The following HOOK1 variants were observed in gnomAD, a reference collection of about 807,000 sequenced individuals.
The protein encoded by HOOK1 is hook microtubule tethering protein 1.
Under a neutral mutation model 112.8 loss-of-function variants are expected in HOOK1, and 60 were observed. The observed-to-expected ratio is 0.53, with a 90% CI of 0.43 to 0.66. The LOEUF (loss-of-function observed/expected upper bound fraction) is 0.66, where lower values mean the gene tolerates loss of function less well. Among genes scored for constraint, HOOK1 ranks in the 30% least tolerant of loss-of-function variants. The pLI is 0.00. For synonymous variants in HOOK1, 294 were observed against 283.8 expected (o/e 1.04, Z -0.36); for missense variants, 770 against 856.0 (o/e 0.90, Z 1.25).
At chr1:59,817,536 G>A (rs1179669676) in intron 1 of HOOK1, among the ~76,000 whole-genome samples, 1 of 151,644 alleles carries the variant, frequency 6.6e-6, no homozygotes, top group Non-Finnish European at 1.5e-5. Context: ...CCGCACTGTT[G>A]ATCTTACCTC....
Position 59,860,244 on chromosome 1 carries a change from G to A in HOOK1, c.1448G>A (p.Gly483Asp). ...ENKMLRLQQE[G>D]SENERIEELQ... is the part of the protein sequence containing the mutation. ...AAGATGCTTCGCTTACAGCAAGAAG[G>A]CTCTGAGAATGAACGTATTGAGGAA... The change falls in exon 15 of 22, where the codon GGC becomes GAC. Residue 483 changes from glycine (G) to aspartate (D), a missense_variant. Gly to Asp is a moderately conservative substitution (Grantham distance 94). Transcript: ENST00000371208. The A allele has an allele frequency of 6.2e-6, 10 of 1,610,710 alleles. No homozygotes were observed. Among genetic ancestry groups the A allele is most frequent in the Non-Finnish European group, 8.5e-6 (10 of 1,177,992 alleles).
intron 2 of HOOK1, among the ~76,000 whole-genome samples, chr1:59,826,785 G>A (rs181363842): frequency 4.6e-5 from 7 of 152,148 alleles, no homozygotes; most frequent in African/African-American, 1.4e-4. Context: ...TTTTTGAGAC[G>A]GAGTTTCGCT....
At chr1:59,820,153 T>G (rs1377912611) in intron 1 of HOOK1, among the ~76,000 whole-genome samples, 1 of 150,546 alleles carries the variant, frequency 6.6e-6, no homozygotes, top group African/African-American at 2.5e-5. Flanking sequence ...TTGGAGATTT[T>G]CTTATTTAAT....
chr1:59,859,054 G>A lies in HOOK1; in HGVS notation c.1391+9G>A, dbSNP rs1341847256. The A allele has an allele frequency of 7.1e-7, 1 of 1,418,258 alleles. No homozygotes were observed. Among genetic ancestry groups the A allele is most frequent in the South Asian group, 1.5e-5 (1 of 67,830 alleles). 87.9% of individuals were successfully genotyped at this position (1,418,258 alleles called of 1,614,324 possible). On this transcript the variant is annotated intron_variant, in intron 14 of 21. Coordinates refer to ENST00000371208, the MANE Select transcript of HOOK1 (RefSeq NM_015888.6). ...ATGCCAGTGGAATATAGGTAAATTT[G>A]TTTCATAATTTGATAGAATTATATT...
chr1:59,833,359 T>G, intron 4 of HOOK1, 46 bp from the exon 5 acceptor site: 1 of 1,383,006 alleles, frequency 7.2e-7, no homozygotes, highest in Non-Finnish European at 9.6e-7. Context: ...AGCAAATTCT[T>G]TGCAGCCGAC....
chr1:59,823,510 T>C (rs2098387448), intron 2 of HOOK1, among the ~76,000 whole-genome samples: 1 of 152,198 alleles, frequency 6.6e-6, no homozygotes, highest in African/African-American at 2.4e-5. Flanking sequence ...TGAATATTGG[T>C]GTAGATGCAG....
chr1:59,829,422 G>A (rs1167681928), intron 3 of HOOK1, among the ~76,000 whole-genome samples: 1 of 151,866 alleles, frequency 6.6e-6, no homozygotes, highest in Non-Finnish European at 1.5e-5. Flanking sequence ...TGAATTTCTG[G>A]GTGGAATTGC....
At chr1:59,865,745 GCTTTT>G (rs1183900003) in intron 18 of HOOK1, 122 bp from the exon 19 acceptor site, 16 of 394,512 alleles carry the variant, frequency 4.1e-5, no homozygotes, top group South Asian at 2.2e-4. Context: ...TAAATAACAG[GCTTTT>G]CTTTTAAGTT....
At chr1:59,838,307 A>G (rs2098399061) in intron 7 of HOOK1, among the ~76,000 whole-genome samples, 1 of 152,196 alleles carries the variant, frequency 6.6e-6, no homozygotes, top group Admixed American at 6.5e-5. Flanking sequence ...TTATGCTCCC[A>G]ACAACAGTGT....
chr1:59,818,620 C>T (rs12131427), intron 1 of HOOK1, among the ~76,000 whole-genome samples: 34,205 of 152,076 alleles, frequency 0.22, 4,065 homozygotes, highest in Non-Finnish European at 0.25. Context: ...TATCTTTGGA[C>T]CTTACTTTCA....
chr1:59,873,932 G>C lies in HOOK1; in HGVS notation c.*967G>C, dbSNP rs1047424117. The C allele has an allele frequency of 1.1e-4, 16 of 151,722 alleles. No homozygotes were observed. The highest frequency in any genetic ancestry group is 3.6e-4 in the African/African-American group (15 of 41,340). 9.4% of individuals were successfully genotyped at this position (151,722 alleles called of 1,614,324 possible). ...TGATGAAACAAGGTGGGATCAGTTT[G>C]ATTTTGTTTACTTATTAAGGAGTTT... is the stretch of plus-strand genomic sequence containing the variant. On this transcript the variant is annotated 3_prime_UTR_variant, in exon 22 of 22. Transcript: ENST00000371208.
intron 18 of HOOK1, 117 bp downstream of exon 18, chr1:59,865,362 G>T (rs138387372): frequency 6.4e-4 from 347 of 541,622 alleles, no homozygotes; most frequent in African/African-American, 5.6e-3. Context: ...TACATATATT[G>T]TAAATAAGGA....
chr1:59,821,584 T>C (rs1301075173), intron 1 of HOOK1, among the ~76,000 whole-genome samples: 1 of 152,262 alleles, frequency 6.6e-6, no homozygotes, highest in African/African-American at 2.4e-5. Flanking sequence ...TTTTGTATTA[T>C]TCCAAATTAT....
chr1:59,865,373 C>T, intron 18 of HOOK1, 128 bp downstream of exon 18: 1 of 506,526 alleles, frequency 2.0e-6, no homozygotes, highest in Non-Finnish European at 3.6e-6. Context: ...TAAATAAGGA[C>T]TATGATAATT....
At chr1:59,839,830 C>T (rs1432051013) in intron 7 of HOOK1, among the ~76,000 whole-genome samples, 1 of 152,138 alleles carries the variant, frequency 6.6e-6, no homozygotes, top group Non-Finnish European at 1.5e-5. Context: ...GTGGTTTTGT[C>T]ATAAATAGCT....
chr1:59,816,760 GA>G (rs1420880035), intron 1 of HOOK1, among the ~76,000 whole-genome samples: 1 of 152,220 alleles, frequency 6.6e-6, no homozygotes, highest in Non-Finnish European at 1.5e-5. Context: ...TAAACCAAAT[GA>G]TAAGGAATCA....
At position 59,820,429 on chromosome 1, in the gene HOOK1, T is replaced by C. The variant is rs530028266; in HGVS notation, c.64-1429T>C. ...TGGAGTCCTGTCTCTTTAACCCTGT[T>C]GGTTGTCACCCCTTCCCCAGCCTTC... is the stretch of plus-strand genomic sequence containing the variant. On this transcript the variant is annotated intron_variant, in intron 1 of 21. Coordinates refer to ENST00000371208, the MANE Select transcript of HOOK1 (RefSeq NM_015888.6). Among the ~76,000 whole-genome samples, 3 of 152,342 alleles carry C rather than the reference T, an allele frequency of 2.0e-5. No individual in the cohort carries two copies. The South Asian group carries it at 6.2e-4, about 32-fold the overall frequency.
At chr1:59,872,434 C>T (rs1644068758) in intron 21 of HOOK1, among the ~76,000 whole-genome samples, 1 of 152,152 alleles carries the variant, frequency 6.6e-6, no homozygotes, top group African/African-American at 2.4e-5. Flanking sequence ...AATCCGGGGA[C>T]CACCCTTCAA....
chr1:59,855,211 A>G (rs77370629), intron 12 of HOOK1, among the ~76,000 whole-genome samples: 6,374 of 152,312 alleles, frequency 0.042, 307 homozygotes, highest in African/African-American at 0.11. Context: ...ATGGGGATTC[A>G]TCGTAAAGAT....
Sources: gnomAD v4.1 joint callset for allele counts (sites outside exome capture counted in the v4.1 genomes callset) on GRCh38, gnomAD v4.1.1 for gene constraint, MANE v1.5 for transcripts, NCBI Gene and HGNC (gene_info 2026-07-23, HGNC 2026-07-21) for gene names.